Variants in SERPING1 observed in about 807,000 individuals in gnomAD.
SERPING1 encodes the protein serpin family G member 1, also known as plasma protease C1 inhibitor.
Under a neutral mutation model 34.1 loss-of-function variants are expected in SERPING1, and 5 were observed. That is an observed-to-expected ratio of 0.15 (90% confidence interval 0.08 to 0.31). The LOEUF (loss-of-function observed/expected upper bound fraction) is 0.31, where lower values mean the gene tolerates loss of function less well. Among genes scored for constraint, SERPING1 ranks in the 10% least tolerant of loss-of-function variants. SERPING1 has a pLI of 1.00. For missense variants in SERPING1, 505 were observed against 609.5 expected (o/e 0.83, Z 1.81); for synonymous variants, 225 against 242.4 (o/e 0.93, Z 0.67).
At chr11:57,612,388 C>G (rs1223138702) in intron 7 of SERPING1, among the ~76,000 whole-genome samples, 2 of 151,526 alleles carry the variant, frequency 1.3e-5, no homozygotes, top group African/African-American at 4.8e-5. Context: ...CGAGAGGCAA[C>G]AGAGACTCCA....
Position 57,606,220 on chromosome 11 carries a change from G to A in SERPING1, c.889+7G>A. 1 of 1,614,064 alleles carries A rather than the reference G, an allele frequency of 6.2e-7. No individual in the cohort carries two copies. Among genetic ancestry groups the A allele is most frequent in the Non-Finnish European group, 8.5e-7 (1 of 1,179,976 alleles). Reference sequence around the variant, plus strand: ...AATGCTATCTACCTGAGTGGTAAGGGTGCCCTTAGCCAGTTAGTCTTCCCA... The same window carrying A: ...AATGCTATCTACCTGAGTGGTAAGGATGCCCTTAGCCAGTTAGTCTTCCCA... On this transcript the variant is annotated splice_region_variant and intron_variant, in intron 5 of 7. Transcript: ENST00000278407.
At position 57,600,376 on chromosome 11, in the gene SERPING1, C is replaced by T. The variant is rs754842752; in HGVS notation, c.549C>T (p.Leu183=). The T allele has an allele frequency of 3.1e-6, 5 of 1,612,078 alleles. No homozygotes were observed. The highest frequency in any genetic ancestry group is 3.4e-6 in the Non-Finnish European group (4 of 1,179,990). Residue 183 remains leucine (L), a splice_region_variant and synonymous_variant, in exon 3 of 8, where the codon CTC becomes CTT. Transcript: ENST00000278407. ...SIASLLTQVL[L]GAGENTKTNL... ...CCAGCCTCCTTACCCAGGTCCTGCT[C>T]GGTAAGACCCTGCTTGAATTCTCTC...
chr11:57,610,511 C>T (rs569298804), intron 6 of SERPING1, among the ~76,000 whole-genome samples: 1 of 152,318 alleles, frequency 6.6e-6, no homozygotes, highest in South Asian at 2.1e-4. Context: ...TTCTTCTGGG[C>T]TATTCAGGTT....
At chr11:57,598,009 A>T (rs1439270641) in intron 1 of SERPING1, 5 of 539,408 alleles carry the variant, frequency 9.3e-6, no homozygotes, top group African/African-American at 3.9e-5. Context: ...GACTGAACAG[A>T]TGGACAGAGA....
In SERPING1 at chr11:57,614,569, C is replaced by T. The variant is rs1321389230; in HGVS notation, c.1491C>T (p.Asp497=). ...KFPVFMGRVY[D]PRA ...CTGTCTTCATGGGGCGAGTATATGA[C>T]CCCAGGGCCTGAGACCTGCAGGATC... Residue 497 remains aspartate, a synonymous_variant, in exon 8 of 8, where the codon GAC becomes GAT. Coordinates refer to ENST00000278407, the MANE Select transcript of SERPING1 (RefSeq NM_000062.3). 2 of 1,613,808 alleles carry T rather than the reference C, an allele frequency of 1.2e-6. No individual in the cohort carries two copies. Among genetic ancestry groups the T allele is most frequent in the East Asian group, 2.2e-5 (1 of 44,872 alleles).
chr11:57,609,740 A>G (rs1037376751), intron 6 of SERPING1, among the ~76,000 whole-genome samples: 13 of 152,178 alleles, frequency 8.5e-5, no homozygotes, highest in African/African-American at 3.1e-4. Flanking sequence ...AAAATTTAAT[A>G]TGCTCGATTT....
intron 3 of SERPING1, among the ~76,000 whole-genome samples, chr11:57,601,420 G>C (rs1378266059): frequency 6.7e-6 from 1 of 148,984 alleles, no homozygotes; most frequent in Non-Finnish European, 1.5e-5. Context: ...AAAAGAAGCA[G>C]CCTAGTGTCT....
intron 4 of SERPING1, among the ~76,000 whole-genome samples, chr11:57,603,151 T>G (rs1945369702): frequency 6.6e-6 from 1 of 151,026 alleles, no homozygotes; most frequent in Non-Finnish European, 1.5e-5. Flanking sequence ...GAGAATCGCT[T>G]GAACCCAAGA....
intron 4 of SERPING1, 61 bp from the exon 5 acceptor site, chr11:57,605,949 G>T (rs902099736): frequency 7.0e-7 from 1 of 1,434,144 alleles, no homozygotes; most frequent in East Asian, 2.3e-5. Flanking sequence ...CTCTCAAATC[G>T]TGCTCATGGA....
intron 3 of SERPING1, among the ~76,000 whole-genome samples, 157 bp from the exon 4 acceptor site, chr11:57,601,878 A>AG (rs1476385470): frequency 6.7e-6 from 1 of 150,226 alleles, no homozygotes; most frequent in Admixed American, 6.6e-5. Context: ...AAAAAAAAAA[A>AG]AAAGAGAGAT....
chr11:57,607,676 TC>T (rs1319794033), intron 6 of SERPING1, among the ~76,000 whole-genome samples: 1 of 152,190 alleles, frequency 6.6e-6, no homozygotes, highest in African/African-American at 2.4e-5. Flanking sequence ...AGGGTTTTTT[TC>T]GAGACAGGGT....
intron 2 of SERPING1, among the ~76,000 whole-genome samples, chr11:57,599,347 T>C (rs1356105387): frequency 6.6e-6 from 1 of 152,032 alleles, no homozygotes. Flanking sequence ...ACTACTTCTC[T>C]CTCCCTCCCT....
intron 1 of SERPING1, 71 bp downstream of exon 1, chr11:57,597,793 T>A (rs1268077502): frequency 6.7e-6 from 1 of 149,936 alleles, no homozygotes; most frequent in Non-Finnish European, 1.4e-5. Context: ...AGGGAGGGGG[T>A]CTCCTCACCC....
intron 6 of SERPING1, among the ~76,000 whole-genome samples, chr11:57,609,673 A>G (rs925399416): frequency 2.0e-5 from 3 of 152,164 alleles, no homozygotes; most frequent in Admixed American, 6.5e-5. Flanking sequence ...CCTTTAAACC[A>G]TTTTTTCTAT....
rs572027697 is a variant in SERPING1 at position 57,599,917 on chromosome 11, C to T, written c.90C>T (p.Ser30=). The T allele has an allele frequency of 2.5e-6, 4 of 1,614,192 alleles. No individual in the cohort carries two copies. The highest frequency in any genetic ancestry group is 2.7e-5 in the African/African-American group (2 of 75,046). Residue 30 remains serine (S), a synonymous_variant, in exon 3 of 8, where the codon AGC becomes AGT. Transcript: ENST00000278407. ...ASSNPNATSS[S]SQDPESLQDR... is the part of the protein sequence containing the mutation. ...CAAATCCAAATGCTACCAGCTCCAG[C>T]TCCCAGGATCCAGAGAGTTTGCAAG...
intron 2 of SERPING1, 47 bp downstream of exon 2, chr11:57,598,368 C>A: frequency 6.7e-7 from 1 of 1,501,660 alleles, no homozygotes; most frequent in Non-Finnish European, 9.0e-7. Flanking sequence ...AGACGGGAGG[C>A]GGGATGGTGC....
intron 5 of SERPING1, 73 bp from the exon 6 acceptor site, chr11:57,606,335 T>C: frequency 6.2e-7 from 1 of 1,605,314 alleles, no homozygotes; most frequent in Non-Finnish European, 8.5e-7. Context: ...TACTCTTTGC[T>C]AACAAGGCTT....
At chr11:57,613,969 C>T (rs1344200961) in intron 7 of SERPING1, among the ~76,000 whole-genome samples, 2 of 152,048 alleles carry the variant, frequency 1.3e-5, no homozygotes, top group Non-Finnish European at 2.9e-5. Context: ...CATATTTTCC[C>T]ATTATTTCAC....
chr11:57,608,081 A>G lies in SERPING1; in HGVS notation c.1029+1534A>G, dbSNP rs1945431913. Among the ~76,000 whole-genome samples, 3 of 152,366 alleles carry G rather than the reference A, an allele frequency of 2.0e-5. No homozygotes were observed. In the South Asian group the frequency reaches 6.2e-4, roughly 32 times the overall value. The stretch of plus-strand genomic sequence containing the variant: ...ATGACTCATTTAGCAGAACCAGGAC[A>G]GCCTGTATAAGGCACAGAAGAGTGA... On this transcript the variant is annotated intron_variant, in intron 6 of 7. Transcript: ENST00000278407.
Sources: allele counts gnomAD v4.1 joint callset (sites outside exome capture counted in the v4.1 genomes callset), GRCh38; gene constraint gnomAD v4.1.1; transcripts MANE v1.5; gene names NCBI Gene and HGNC (gene_info 2026-07-23, HGNC 2026-07-21).